Variants in DMRT1 observed in about 807,000 individuals in gnomAD.
DMRT1 encodes the protein doublesex and mab-3 related transcription factor 1.
A neutral mutation model predicts 32.3 loss-of-function variants in DMRT1; 7 were observed. That is an observed-to-expected ratio of 0.22 (90% CI 0.12 to 0.41). The LOEUF (loss-of-function observed/expected upper bound fraction) is 0.41, where lower values mean the gene tolerates loss of function less well. Ranked by LOEUF, DMRT1 falls within the 10% of genes least tolerant of loss-of-function variation. The pLI is 1.00. For synonymous variants in DMRT1, 278 were observed against 206.1 expected (o/e 1.35, Z -2.99); for missense variants, 625 against 500.5 (o/e 1.25, Z -2.37).
chr9:936,980 C>G (rs1818908621), intron 4 of DMRT1, among the ~76,000 whole-genome samples: 1 of 152,118 alleles, frequency 6.6e-6, no homozygotes, highest in South Asian at 2.1e-4. Context: ...AACTCTTTAC[C>G]TCTTAAGCAA....
intron 2 of DMRT1, among the ~76,000 whole-genome samples, chr9:892,305 G>T (rs1031049205): frequency 6.6e-6 from 1 of 151,952 alleles, no homozygotes; most frequent in Non-Finnish European, 1.5e-5. Context: ...TCCCTTCCTT[G>T]CCCAGATGGA....
In DMRT1 at chr9:916,783, C is replaced by A. The variant is rs1275393465; in HGVS notation, c.843C>A (p.Arg281=). The A allele has an allele frequency of 2.5e-6, 4 of 1,614,074 alleles. No homozygotes were observed. Among genetic ancestry groups the A allele is most frequent in the Non-Finnish European group, 3.4e-6 (4 of 1,180,042 alleles). The change falls in exon 4 of 5, where the codon CGC becomes CGA. Residue 281 remains arginine (R), a synonymous_variant. Coordinates refer to ENST00000382276, the MANE Select transcript of DMRT1 (RefSeq NM_021951.3). ...AGCAGATGAAGAACATGGAGAACCGCCATGCAATGAGCTCCCAGTACAGGA... is the reference window on the plus strand; with the variant it reads ...AGCAGATGAAGAACATGGAGAACCGACATGCAATGAGCTCCCAGTACAGGA... The part of the protein sequence containing the change: ...NQWQMKNMEN[R]HAMSSQYRMH...
At chr9:862,233 A>C (rs1815741755) in intron 2 of DMRT1, among the ~76,000 whole-genome samples, 3 of 151,702 alleles carry the variant, frequency 2.0e-5, no homozygotes, top group East Asian at 2.0e-4. Flanking sequence ...AGTGAGCGAG[A>C]CTCCGTCTGC....
At chr9:900,294 G>C (rs1221507470) in intron 3 of DMRT1, among the ~76,000 whole-genome samples, 1 of 152,170 alleles carries the variant, frequency 6.6e-6, no homozygotes, top group East Asian at 1.9e-4. Context: ...GTTGGGAAGG[G>C]CACTCAGAAA....
chr9:927,953 A>C (rs955572112), intron 4 of DMRT1, among the ~76,000 whole-genome samples: 1 of 152,314 alleles, frequency 6.6e-6, no homozygotes, highest in South Asian at 2.1e-4. Flanking sequence ...AACCCATACA[A>C]CTGTTGCCAC....
At chr9:885,909 C>G (rs78497159) in intron 2 of DMRT1, among the ~76,000 whole-genome samples, 1 of 152,082 alleles carries the variant, frequency 6.6e-6, no homozygotes, top group South Asian at 2.1e-4. Flanking sequence ...AAGAGTGCTG[C>G]TAGCTTTCTG....
intron 2 of DMRT1, among the ~76,000 whole-genome samples, chr9:865,225 G>C (rs2132592073): frequency 6.6e-6 from 1 of 152,266 alleles, no homozygotes; most frequent in African/African-American, 2.4e-5. Context: ...TTGTTATCTT[G>C]ATAACTTTAT....
intron 2 of DMRT1, among the ~76,000 whole-genome samples, chr9:858,868 AAAATATATATATAT>A (rs1226237589): frequency 1.0e-3 from 18 of 17,176 alleles, no homozygotes; most frequent in African/African-American, 3.5e-3. Flanking sequence ...AAAAAAAAAA[AAAATATATATATAT>A]ATATATATAT....
At position 842,369 on chromosome 9, in the gene DMRT1, G is replaced by C. The variant is rs1273102312; in HGVS notation, c.354+177G>C. The C allele has an allele frequency of 1.1e-5, 9 of 790,026 alleles. No individual in the cohort carries two copies. The Admixed American group carries it at 1.4e-4, about 12-fold the overall frequency. 48.9% of individuals were successfully genotyped at this position (790,026 alleles called of 1,614,324 possible). On this transcript the variant is annotated intron_variant, in intron 1 of 4. Coordinates refer to ENST00000382276, the MANE Select transcript of DMRT1 (RefSeq NM_021951.3). Reference sequence around the variant, plus strand: ...CCTGCCTCAGCCTCCCAAGTAGCTGGGACTACAGGCGCACACCACCATGCC... The same window carrying C: ...CCTGCCTCAGCCTCCCAAGTAGCTGCGACTACAGGCGCACACCACCATGCC...
chr9:926,408 T>C (rs746033470), intron 4 of DMRT1, among the ~76,000 whole-genome samples: 2 of 152,198 alleles, frequency 1.3e-5, no homozygotes, highest in Non-Finnish European at 2.9e-5. Context: ...TTCAAAAATA[T>C]TTATTCTCTT....
chr9:906,484 T>A (rs1013497088), intron 3 of DMRT1, among the ~76,000 whole-genome samples: 5 of 152,246 alleles, frequency 3.3e-5, no homozygotes, highest in Non-Finnish European at 2.9e-5. Context: ...GATAGGGCTA[T>A]ATCTCTTGAT....
chr9:846,517 C>G (rs562873472), intron 1 of DMRT1, among the ~76,000 whole-genome samples: 2 of 152,284 alleles, frequency 1.3e-5, no homozygotes, highest in South Asian at 4.1e-4. Flanking sequence ...CCTTGGCTGA[C>G]TATAGTTTTT....
intron 2 of DMRT1, among the ~76,000 whole-genome samples, chr9:883,018 C>T (rs1306907647): frequency 2.0e-5 from 3 of 151,814 alleles, no homozygotes; most frequent in Non-Finnish European, 4.4e-5. Flanking sequence ...GTGATCCTCC[C>T]GCCTCGGCCT....
At chr9:908,444 A>G (rs1161692105) in intron 3 of DMRT1, among the ~76,000 whole-genome samples, 1 of 142,702 alleles carries the variant, frequency 7.0e-6, no homozygotes, top group African/African-American at 2.6e-5. Flanking sequence ...GGCGACAGAG[A>G]GACCCTGTCT....
In DMRT1 at chr9:958,593, C is replaced by T. The variant is rs533435379; in HGVS notation, c.968-9392C>T. 2.0e-5 allele frequency among the ~76,000 whole-genome samples: 3 copies of T among 152,322 alleles called. No individual in the cohort carries two copies. In the East Asian group the frequency reaches 5.8e-4, roughly 29 times the overall value. On this transcript the variant is annotated intron_variant, in intron 4 of 4. Transcript: ENST00000382276. The stretch of plus-strand genomic sequence containing the variant: ...TGTTGGACAGGCTGGTCTCAAACTC[C>T]TGACCTCAGGTGATCCACCCGCCTG...
rs568942352 is a variant in DMRT1, at chr9:890,010, C to T, written c.539-3902C>T. Among the ~76,000 whole-genome samples, 12 of 150,918 alleles carry T rather than the reference C, an allele frequency of 8.0e-5. No homozygotes were observed. In the South Asian group the frequency reaches 2.5e-3, roughly 32 times the overall value. On this transcript the variant is annotated intron_variant, in intron 2 of 4. Coordinates refer to ENST00000382276, the MANE Select transcript of DMRT1 (RefSeq NM_021951.3). ...GAGAAGCTCATAAGGCTTTTGTAAT[C>T]AGATAAACAATAGAGACATGACCTT...
chr9:944,877 G>A (rs1323453456), intron 4 of DMRT1, among the ~76,000 whole-genome samples: 1 of 151,706 alleles, frequency 6.6e-6, no homozygotes, highest in Admixed American at 6.6e-5. Context: ...ACTTGCTTTG[G>A]AAAGCACATG....
intron 4 of DMRT1, among the ~76,000 whole-genome samples, chr9:938,811 G>A (rs1818969637): frequency 6.6e-6 from 1 of 152,176 alleles, no homozygotes; most frequent in Non-Finnish European, 1.5e-5. Flanking sequence ...TCGTTGTTTG[G>A]TTTCTGATTT....
At chr9:871,295 G>C (rs145047908) in intron 2 of DMRT1, among the ~76,000 whole-genome samples, 5 of 151,520 alleles carry the variant, frequency 3.3e-5, no homozygotes, top group Non-Finnish European at 4.4e-5. Context: ...CCAAAGTGCT[G>C]GGATTACAGG....
Sources: allele counts gnomAD v4.1 joint callset (sites outside exome capture counted in the v4.1 genomes callset), GRCh38; gene constraint gnomAD v4.1.1; transcripts MANE v1.5; gene names NCBI Gene and HGNC (gene_info 2026-07-23, HGNC 2026-07-21).